The following ADGRL3 variants were observed in gnomAD, a reference collection of about 807,000 sequenced individuals.
ADGRL3 encodes the protein calcium-independent alpha-latrotoxin receptor 3.
ADGRL3 carries 62 observed loss-of-function variants against 153.5 expected under a neutral mutation model. The ratio of observed to expected loss-of-function variants is 0.40; its 90% CI spans 0.33 to 0.50. ADGRL3 has a LOEUF of 0.50. Ranked by LOEUF, ADGRL3 falls within the 20% of genes least tolerant of loss-of-function variation. The pLI is 0.47. For synonymous variants in ADGRL3, 710 were observed against 672.5 expected, an observed-to-expected ratio of 1.06 and a Z score of -0.86; for missense variants, 1,641 against 1,859.4, an observed-to-expected ratio of 0.88 and a Z score of 2.16.
rs192103149 is a variant in ADGRL3 at position 61,568,545 on chromosome 4, G to A, written c.260-18682G>A. Among the ~76,000 whole-genome samples the A allele has an allele frequency of 2.7e-4, 41 of 152,264 alleles. 1 individual carries two copies. Among genetic ancestry groups the A allele is most frequent in the African/African-American group, 9.9e-4 (41 of 41,572 alleles). On this transcript the variant is annotated intron_variant, in intron 4 of 26. Transcript: ENST00000683033. ...CTTACATTTATGGTTGGAGCTCTGA[G>A]AAACTGATAAATTTCCCATGATAAT...
chr4:61,955,095 G>A (rs1031962841), intron 17 of ADGRL3, among the ~76,000 whole-genome samples: 1 of 152,148 alleles, frequency 6.6e-6, no homozygotes, highest in African/African-American at 2.4e-5. Flanking sequence ...CTATAGAGTA[G>A]GGGATAGTGG....
intron 4 of ADGRL3, among the ~76,000 whole-genome samples, chr4:61,551,626 C>A (rs975615023): frequency 4.6e-5 from 7 of 152,108 alleles, no homozygotes; most frequent in Non-Finnish European, 8.8e-5. Flanking sequence ...GTTTTCTCAC[C>A]CCTTGGGTTG....
intron 1 of ADGRL3, among the ~76,000 whole-genome samples, chr4:61,337,553 T>C (rs1032658920): frequency 6.6e-6 from 1 of 152,190 alleles, no homozygotes; most frequent in Non-Finnish European, 1.5e-5. Flanking sequence ...ACTACCTTCC[T>C]CGTTTTCTTT....
chr4:61,987,309 G>T (rs2099089292), intron 19 of ADGRL3, among the ~76,000 whole-genome samples: 1 of 151,938 alleles, frequency 6.6e-6, no homozygotes, highest in African/African-American at 2.4e-5. Context: ...GAGTAGCTGG[G>T]ATTACAGGCA....
chr4:62,048,185 A>G (rs1460226403), intron 25 of ADGRL3, among the ~76,000 whole-genome samples: 5 of 152,120 alleles, frequency 3.3e-5, no homozygotes, highest in African/African-American at 1.2e-4. Context: ...TGCCACCCAT[A>G]TCTCCTACCA....
chr4:61,337,864 C>A (rs1379021869), intron 1 of ADGRL3, among the ~76,000 whole-genome samples: 1 of 152,088 alleles, frequency 6.6e-6, no homozygotes, highest in Admixed American at 6.6e-5. Flanking sequence ...TATATGTATA[C>A]TCTTAAACAC....
intron 5 of ADGRL3, among the ~76,000 whole-genome samples, chr4:61,612,074 A>G (rs888439832): frequency 6.6e-6 from 1 of 152,166 alleles, no homozygotes; most frequent in African/African-American, 2.4e-5. Context: ...AAAACATAAA[A>G]TAGGACTTGC....
chr4:61,244,424 AAAAT>A (rs1320220567), intron 1 of ADGRL3, among the ~76,000 whole-genome samples: 7 of 152,074 alleles, frequency 4.6e-5, no homozygotes, highest in Non-Finnish European at 7.4e-5. Context: ...AAGTAATAAA[AAAAT>A]AAAACTGATC....
At chr4:61,828,411 C>T (rs979630476) in intron 9 of ADGRL3, among the ~76,000 whole-genome samples, 12 of 151,924 alleles carry the variant, frequency 7.9e-5, no homozygotes, top group Admixed American at 2.0e-4. Context: ...TTAAAAAAAG[C>T]GCAGGGTGCG....
chr4:61,752,203 T>G (rs1201958981), intron 8 of ADGRL3, among the ~76,000 whole-genome samples: 8 of 152,170 alleles, frequency 5.3e-5, no homozygotes, highest in Admixed American at 5.2e-4. Context: ...TTAACAAGAA[T>G]AAAGAATAGA....
chr4:61,726,039 G>A (rs920197459), intron 6 of ADGRL3, among the ~76,000 whole-genome samples: 2 of 151,886 alleles, frequency 1.3e-5, no homozygotes, highest in Non-Finnish European at 2.9e-5. Context: ...TAAAGTATAG[G>A]CTAAGTATCC....
At chr4:61,626,836 G>T (rs1008873830) in intron 5 of ADGRL3, among the ~76,000 whole-genome samples, 2 of 152,030 alleles carry the variant, frequency 1.3e-5, no homozygotes, top group African/African-American at 2.4e-5. Flanking sequence ...AAAATTAGAT[G>T]AAATGTAATA....
intron 9 of ADGRL3, among the ~76,000 whole-genome samples, chr4:61,856,956 CTT>C (rs1341651595): frequency 4.0e-5 from 2 of 49,996 alleles, no homozygotes; most frequent in Non-Finnish European, 7.6e-5. Context: ...TCTTCTCTTT[CTT>C]TCTTTCTTTC....
At chr4:61,481,626 T>C (rs1342949194) in intron 2 of ADGRL3, among the ~76,000 whole-genome samples, 8 of 152,086 alleles carry the variant, frequency 5.3e-5, no homozygotes, top group Admixed American at 1.3e-4. Context: ...TGTTTTTTTT[T>C]GTCGAGACCA....
chr4:61,709,035 C>G (rs1326744851), intron 6 of ADGRL3, among the ~76,000 whole-genome samples: 1 of 152,082 alleles, frequency 6.6e-6, no homozygotes, highest in African/African-American at 2.4e-5. Context: ...GTCTCGACTC[C>G]TGACCTCAGG....
intron 9 of ADGRL3, among the ~76,000 whole-genome samples, chr4:61,846,553 A>C (rs1581118012): frequency 6.6e-6 from 1 of 152,046 alleles, no homozygotes; most frequent in African/African-American, 2.4e-5. Flanking sequence ...GTCATTAAAA[A>C]ACCTTCCACA....
chr4:61,432,574 C>G lies in ADGRL3; in HGVS notation c.-174+49385C>G, dbSNP rs78983391. Among the ~76,000 whole-genome samples, 2 of 1,664 alleles carry G rather than the reference C, an allele frequency of 1.2e-3. 1 individual carries two copies. Among genetic ancestry groups the G allele is most frequent in the African/African-American group, 1.7e-3 (2 of 1,168 alleles). The allele number at this position is 1,664 out of a possible 152,430, so 1.1% of individuals were successfully genotyped here. A position where few individuals can be genotyped will look rare whatever the true frequency, so the allele number is the denominator to read the frequency against. On this transcript the variant is annotated intron_variant, in intron 2 of 26. Coordinates refer to ENST00000683033, the MANE Select transcript of ADGRL3 (RefSeq NM_001387552.1). ...TTATAGATTTCTTTTCTTTCTCTTCCTTTCTTTCTTTCTTTCTTTCTTTCT... is the reference window on the plus strand; with the variant it reads ...TTATAGATTTCTTTTCTTTCTCTTCGTTTCTTTCTTTCTTTCTTTCTTTCT...
chr4:61,586,256 A>G lies in ADGRL3; in HGVS notation c.260-971A>G, dbSNP rs1485545362. Among the ~76,000 whole-genome samples, 5 of 152,014 alleles carry G rather than the reference A, an allele frequency of 3.3e-5. 1 individual carries two copies. The highest frequency in any genetic ancestry group is 4.1e-4 in the South Asian group (2 of 4,834). On this transcript the variant is annotated intron_variant, in intron 4 of 26. Coordinates refer to ENST00000683033, the MANE Select transcript of ADGRL3 (RefSeq NM_001387552.1). ...AATGTACCTTAAAATGTATTTGGAT[A>G]ATTAGGTTTTCTCAAATATATTACA... is the stretch of plus-strand genomic sequence containing the variant.
intron 1 of ADGRL3, among the ~76,000 whole-genome samples, chr4:61,325,025 G>A (rs938824370): frequency 6.8e-4 from 103 of 152,074 alleles, no homozygotes; most frequent in African/African-American, 2.4e-3. Flanking sequence ...CTTAAAAATA[G>A]CATGTAGGTC....
Sources: gnomAD v4.1 joint callset for allele counts (sites outside exome capture counted in the v4.1 genomes callset) on GRCh38, gnomAD v4.1.1 for gene constraint, MANE v1.5 for transcripts, NCBI Gene and HGNC (gene_info 2026-07-23, HGNC 2026-07-21) for gene names.